The following DPYSL3 variants were observed in gnomAD, a reference collection of about 807,000 sequenced individuals.
DPYSL3 encodes dihydropyrimidinase like 3.
A neutral mutation model predicts 66.1 loss-of-function variants in DPYSL3; 16 were observed. That is an observed-to-expected ratio of 0.24 (90% CI 0.16 to 0.37). The LOEUF is 0.37. Ranked by LOEUF, DPYSL3 falls within the 10% of genes least tolerant of loss-of-function variation. DPYSL3 has a pLI of 1.00. For missense variants in DPYSL3, 738 were observed against 916.2 expected (o/e 0.81, Z 2.51); for synonymous variants, 338 against 345.1 (o/e 0.98, Z 0.23).
At chr5:147,473,866 C>T (rs1561799898) in intron 1 of DPYSL3, among the ~76,000 whole-genome samples, 1 of 152,026 alleles carries the variant, frequency 6.6e-6, no homozygotes, top group African/African-American at 2.4e-5. Flanking sequence ...ATGTGACACC[C>T]TTAGAAATGC....
In DPYSL3 at chr5:147,392,235, A is replaced by C. The variant is rs1274720451; in HGVS notation, c.*1800T>G. 6.6e-6 allele frequency: 1 copy of C among 152,226 alleles called. No homozygotes were observed. Among genetic ancestry groups the C allele is most frequent in the Non-Finnish European group, 1.5e-5 (1 of 68,048 alleles). 9.4% of individuals were successfully genotyped at this position (152,226 alleles called of 1,614,324 possible). A position where few individuals can be genotyped will look rare whatever the true frequency, so the allele number is the denominator to read the frequency against. On this transcript the variant is annotated 3_prime_UTR_variant, in exon 14 of 14. Transcript: ENST00000343218. ...ACTACATCTCCCTTAAAAGAAAAGC[A>C]CTACAAGAGCTTTAAAATAGCAAGC...
At chr5:147,467,148 G>T (rs1480883196) in intron 1 of DPYSL3, among the ~76,000 whole-genome samples, 1 of 152,024 alleles carries the variant, frequency 6.6e-6, no homozygotes, top group Non-Finnish European at 1.5e-5. Context: ...AAACATAAGA[G>T]GCAAAAAACA....
At chr5:147,397,893 G>GGAGAAACAC in intron 11 of DPYSL3, 48 bp from the exon 12 acceptor site, 1 of 1,511,408 alleles carries the variant, frequency 6.6e-7, no homozygotes, top group Non-Finnish European at 8.9e-7. Flanking sequence ...TAGAGAAAGA[G>GGAGAAACAC]GAACGTACCT....
At chr5:147,440,077 C>A (rs1752504128) in intron 1 of DPYSL3, among the ~76,000 whole-genome samples, 1 of 152,068 alleles carries the variant, frequency 6.6e-6, no homozygotes, top group Admixed American at 6.5e-5. Context: ...CCGAGGCAGG[C>A]AGATCACGAG....
intron 1 of DPYSL3, among the ~76,000 whole-genome samples, chr5:147,503,499 C>A (rs946361931): frequency 6.6e-6 from 1 of 152,066 alleles, no homozygotes; most frequent in African/African-American, 2.4e-5. Context: ...TTCTACGTTG[C>A]CCAGTCTGGT....
intron 1 of DPYSL3, among the ~76,000 whole-genome samples, chr5:147,506,754 A>C (rs1159894314): frequency 6.6e-6 from 1 of 152,200 alleles, no homozygotes; most frequent in Non-Finnish European, 1.5e-5. Context: ...TATTTTGTAC[A>C]GGAGAAAACT....
chr5:147,442,589 A>G (rs969281207), intron 1 of DPYSL3, among the ~76,000 whole-genome samples: 1 of 152,208 alleles, frequency 6.6e-6, no homozygotes. Context: ...ACTAAAAAAC[A>G]ACCGACAATA....
Position 147,509,505 on chromosome 5 carries a change from C to G in DPYSL3, c.354G>C (p.Val118=), listed in dbSNP as rs1359883226. ...VEIRSATGKE[V]LQNLGPKDKS... is the part of the protein sequence containing the mutation. ...TGTCCTTGGGGCCGAGGTTCTGCAACACCTCTTTGCCGGTGGCGCTCCGGA... is the reference window on the plus strand; with the variant it reads ...TGTCCTTGGGGCCGAGGTTCTGCAAGACCTCTTTGCCGGTGGCGCTCCGGA... The change falls in exon 1 of 14, where the codon GTG becomes GTC. Residue 118 remains valine, a synonymous_variant. Transcript: ENST00000343218. This position sits in a 1 kb window ranked among gnomAD's most constrained non-coding sequence, Gnocchi z 5.3. The G allele has an allele frequency of 3.3e-6, 5 of 1,531,244 alleles. No individual in the cohort carries two copies. Among genetic ancestry groups the G allele is most frequent in the Non-Finnish European group, 4.4e-6 (5 of 1,144,658 alleles). The allele number at this position is 1,531,244 out of a possible 1,614,324, so 94.9% of individuals were successfully genotyped here. A position where few individuals can be genotyped will look rare whatever the true frequency, so the allele number is the denominator to read the frequency against.
At chr5:147,453,688 T>C (rs1356466160) in intron 1 of DPYSL3, 1 of 1,398,886 alleles carries the variant, frequency 7.1e-7, no homozygotes. Flanking sequence ...TCAGGTGGAG[T>C]GAATGGTGCG....
At chr5:147,419,435 A>G (rs989237316) in intron 2 of DPYSL3, among the ~76,000 whole-genome samples, 28 of 152,246 alleles carry the variant, frequency 1.8e-4, no homozygotes, top group African/African-American at 6.8e-4. Context: ...GCCTCCAAGG[A>G]AAGTGACAAA....
chr5:147,449,132 C>A (rs1752680329), intron 1 of DPYSL3, among the ~76,000 whole-genome samples: 1 of 60,872 alleles, frequency 1.6e-5, no homozygotes, highest in South Asian at 4.4e-4. Context: ...TGTGTAGATC[C>A]AAAGGTCGGA....
intron 1 of DPYSL3, among the ~76,000 whole-genome samples, chr5:147,434,443 C>G (rs549179276): frequency 3.3e-5 from 5 of 152,340 alleles, no homozygotes; most frequent in African/African-American, 9.6e-5. Flanking sequence ...CAAACAGGAT[C>G]TCTTGTCCCT....
At chr5:147,450,693 T>G (rs1752711512) in intron 1 of DPYSL3, among the ~76,000 whole-genome samples, 1 of 151,460 alleles carries the variant, frequency 6.6e-6, no homozygotes, top group Admixed American at 6.6e-5. Context: ...TAAAAATAGG[T>G]GGAAGGAGGA....
Position 147,509,313 on chromosome 5 carries a change from CT to C in DPYSL3, c.381+164del, listed in dbSNP as rs1753724903. On this transcript the variant is annotated intron_variant, in intron 1 of 13. Coordinates refer to ENST00000343218, the MANE Select transcript of DPYSL3 (RefSeq NM_001197294.2). The surrounding 1 kb of genome is among the most constrained non-coding windows in gnomAD (Gnocchi z 5.3). Reference sequence around the variant, plus strand: ...GTGGCGACACGCGCGAATCCAGGGTCTGGGCTAGGAAGTCGCGCTACGCTCA... The same window carrying C: ...GTGGCGACACGCGCGAATCCAGGGTCGGGCTAGGAAGTCGCGCTACGCTCA... 6.6e-6 allele frequency among the ~76,000 whole-genome samples: 1 copy of C among 152,212 alleles called. No homozygotes were observed. Among genetic ancestry groups the C allele is most frequent in the African/African-American group, 2.4e-5 (1 of 41,460 alleles).
At chr5:147,395,347 G>A (rs58999815) in intron 13 of DPYSL3, among the ~76,000 whole-genome samples, 12,750 of 152,116 alleles carry the variant, frequency 0.084, 860 homozygotes, top group East Asian at 0.28. Context: ...CCTGGTCTTC[G>A]GCCTGACTGC....
chr5:147,508,257 G>A (rs747934623), intron 1 of DPYSL3, among the ~76,000 whole-genome samples: 26 of 152,252 alleles, frequency 1.7e-4, no homozygotes, highest in Non-Finnish European at 3.1e-4. Flanking sequence ...AGTAGTCAAA[G>A]GTTGGTTGGT....
At chr5:147,502,823 G>C (rs1045198241) in intron 1 of DPYSL3, among the ~76,000 whole-genome samples, 9 of 152,046 alleles carry the variant, frequency 5.9e-5, no homozygotes, top group African/African-American at 2.2e-4. Context: ...TCATCCGCCC[G>C]CCTTGCCCTC....
intron 1 of DPYSL3, among the ~76,000 whole-genome samples, chr5:147,428,433 C>T (rs2126339246): frequency 6.6e-6 from 1 of 152,146 alleles, no homozygotes; most frequent in African/African-American, 2.4e-5. Context: ...GCAAATCAGT[C>T]ATCAACAAAG....
chr5:147,499,714 G>A (rs955530409), intron 1 of DPYSL3, among the ~76,000 whole-genome samples: 40 of 152,132 alleles, frequency 2.6e-4, no homozygotes, highest in African/African-American at 8.2e-4. Flanking sequence ...GATTCTAAAC[G>A]TCATATGGAA....
Sources: allele counts gnomAD v4.1 joint callset (sites outside exome capture counted in the v4.1 genomes callset), GRCh38; gene constraint gnomAD v4.1.1; non-coding constraint Gnocchi (gnomAD v3.1); transcripts MANE v1.5; gene names NCBI Gene and HGNC (gene_info 2026-07-23, HGNC 2026-07-21).